SLC17A8: variants seen among roughly 807,000 people sequenced by gnomAD.
The protein encoded by SLC17A8 is solute carrier family 17 member 8, also known as vesicular glutamate transporter 3.
A neutral mutation model predicts 58.0 loss-of-function variants in SLC17A8; 31 were observed. The observed-to-expected ratio is 0.53, with a 90% confidence interval of 0.40 to 0.72. The LOEUF is 0.72. SLC17A8 is among the 30% of genes least tolerant of loss of function. SLC17A8 has a pLI of 0.00. For missense variants in SLC17A8, 655 were observed against 727.8 expected, an observed-to-expected ratio of 0.90 and a Z score of 1.15; for synonymous variants, 228 against 249.0, an observed-to-expected ratio of 0.92 and a Z score of 0.79.
chr12:100,407,510 G>A (rs1191545655), intron 9 of SLC17A8, among the ~76,000 whole-genome samples: 1 of 152,102 alleles, frequency 6.6e-6, no homozygotes, highest in African/African-American at 2.4e-5. Context: ...GAAGGCATAT[G>A]TGGAATCTTT....
At chr12:100,365,998 A>G (rs1566385781) in intron 1 of SLC17A8, among the ~76,000 whole-genome samples, 3 of 148,736 alleles carry the variant, frequency 2.0e-5, no homozygotes, top group Admixed American at 6.7e-5. Flanking sequence ...CAGGCAAGCT[A>G]TGTACATGAG....
chr12:100,378,772 A>G (rs1260499483), intron 1 of SLC17A8, among the ~76,000 whole-genome samples: 4 of 152,162 alleles, frequency 2.6e-5, no homozygotes, highest in Non-Finnish European at 5.9e-5. Flanking sequence ...AGGTAGGTAC[A>G]TTGGTAGGGA....
chr12:100,408,297 G>A (rs559336884), intron 9 of SLC17A8, among the ~76,000 whole-genome samples: 6 of 152,268 alleles, frequency 3.9e-5, no homozygotes, highest in African/African-American at 1.4e-4. Flanking sequence ...CAGGGTCTAC[G>A]TCTATGATGC....
intron 1 of SLC17A8, among the ~76,000 whole-genome samples, chr12:100,361,077 C>T (rs1485020472): frequency 1.3e-5 from 2 of 152,184 alleles, no homozygotes; most frequent in African/African-American, 4.8e-5. Context: ...ATCAGGTGAT[C>T]CTGGGTTCCA....
At chr12:100,361,143 A>G (rs543411369) in intron 1 of SLC17A8, among the ~76,000 whole-genome samples, 4 of 152,134 alleles carry the variant, frequency 2.6e-5, no homozygotes, top group African/African-American at 7.2e-5. Flanking sequence ...ACTTGGCTGC[A>G]ATGGGGTGAC....
At chr12:100,377,282 C>T (rs1160119370) in intron 1 of SLC17A8, among the ~76,000 whole-genome samples, 1 of 152,030 alleles carries the variant, frequency 6.6e-6, no homozygotes, top group Non-Finnish European at 1.5e-5. Context: ...TGAGGATTAA[C>T]GTAATAAAAA....
intron 9 of SLC17A8, chr12:100,410,651 C>G: frequency 6.6e-6 from 1 of 152,198 alleles, no homozygotes. Context: ...GAGCACGACT[C>G]CATCTCAAAC....
intron 1 of SLC17A8, 68 bp downstream of exon 1, chr12:100,357,560 G>C: frequency 9.3e-7 from 1 of 1,071,932 alleles, no homozygotes; most frequent in South Asian, 1.3e-5. Context: ...TGAGAGACTT[G>C]GTATCACGTT....
At chr12:100,412,670 G>A in intron 9 of SLC17A8, 100 bp from the exon 10 acceptor site, 1 of 801,370 alleles carries the variant, frequency 1.2e-6, no homozygotes, top group Middle Eastern at 2.3e-4. Flanking sequence ...ATAAACTTAG[G>A]TCTGTGGAAT....
intron 1 of SLC17A8, among the ~76,000 whole-genome samples, chr12:100,370,669 A>T (rs1401354768): frequency 6.6e-6 from 1 of 151,934 alleles, no homozygotes; most frequent in Non-Finnish European, 1.5e-5. Flanking sequence ...CCAGATAAAC[A>T]AAACATGGCT....
At chr12:100,380,652 T>A in intron 1 of SLC17A8, 49 bp from the exon 2 acceptor site, 2 of 1,611,920 alleles carry the variant, frequency 1.2e-6, no homozygotes, top group Non-Finnish European at 1.7e-6. Flanking sequence ...TACTTTCTTT[T>A]TCCTTTAATC....
intron 1 of SLC17A8, among the ~76,000 whole-genome samples, chr12:100,370,051 TTA>T (rs1952548722): frequency 6.6e-6 from 1 of 152,148 alleles, no homozygotes; most frequent in Non-Finnish European, 1.5e-5. Context: ...ATCCAAAGTT[TTA>T]TATGTTTGCT....
chr12:100,384,055 G>T (rs1440596617), intron 2 of SLC17A8, among the ~76,000 whole-genome samples: 2 of 152,122 alleles, frequency 1.3e-5, no homozygotes, highest in African/African-American at 4.8e-5. Flanking sequence ...TTAGAAAAGT[G>T]TTTGGCATAT....
intron 1 of SLC17A8, among the ~76,000 whole-genome samples, chr12:100,370,401 G>A (rs533446801): frequency 4.6e-5 from 7 of 151,984 alleles, no homozygotes; most frequent in African/African-American, 7.2e-5. Context: ...GGGTTCAGGC[G>A]ATTCTCCTGC....
intron 2 of SLC17A8, among the ~76,000 whole-genome samples, chr12:100,389,557 TTC>T (rs939284778): frequency 5.9e-5 from 9 of 151,976 alleles, no homozygotes; most frequent in African/African-American, 1.7e-4. Context: ...TTTGTGTTTT[TTC>T]TCTCTGTGTA....
chr12:100,362,151 G>A (rs1258154151), intron 1 of SLC17A8, among the ~76,000 whole-genome samples: 2 of 152,016 alleles, frequency 1.3e-5, no homozygotes, highest in Non-Finnish European at 2.9e-5. Context: ...TGGGCTGATG[G>A]GGGTGGGTGA....
chr12:100,380,154 G>C (rs143846741), intron 1 of SLC17A8, among the ~76,000 whole-genome samples: 1 of 144,402 alleles, frequency 6.9e-6, no homozygotes, highest in East Asian at 2.1e-4. Flanking sequence ...AGCCGAGATC[G>C]TGCCATTGCA....
chr12:100,373,759 A>G (rs1952575172), intron 1 of SLC17A8, among the ~76,000 whole-genome samples: 1 of 151,544 alleles, frequency 6.6e-6, no homozygotes, highest in African/African-American at 2.4e-5. Context: ...TGATTTTTGT[A>G]TTTTTAGTAG....
rs1486140450 is a variant in SLC17A8, at chr12:100,421,367, T to G, written c.*1208T>G. 6.6e-6 allele frequency: 1 copy of G among 152,146 alleles called. No homozygotes were observed. The highest frequency in any genetic ancestry group is 1.9e-4 in the East Asian group (1 of 5,194). 9.4% of individuals were successfully genotyped at this position (152,146 alleles called of 1,614,324 possible). ...ATGATGACTCTATTTGGAATGATATTCAGGGAAATCACAATAATATAGCAG... is the reference window on the plus strand; with the variant it reads ...ATGATGACTCTATTTGGAATGATATGCAGGGAAATCACAATAATATAGCAG... On this transcript the variant is annotated 3_prime_UTR_variant, in exon 12 of 12. Transcript: ENST00000323346.
Sources: allele counts gnomAD v4.1 joint callset (sites outside exome capture counted in the v4.1 genomes callset), GRCh38; gene constraint gnomAD v4.1.1; transcripts MANE v1.5; gene names NCBI Gene and HGNC (gene_info 2026-07-23, HGNC 2026-07-21).